The following RALGAPB variants were observed in gnomAD, a reference collection of about 807,000 sequenced individuals.
RALGAPB encodes ral GTPase-activating protein subunit beta.
In RALGAPB, 25 loss-of-function variants were observed where a neutral mutation model predicts 161.1. The ratio of observed to expected loss-of-function variants is 0.16; its 90% CI spans 0.11 to 0.22. RALGAPB has a LOEUF of 0.22. RALGAPB is among the 10% of genes least tolerant of loss of function. The probability of loss-of-function intolerance (pLI) is 1.00; values close to 1 mark genes in which losing one functional copy is unlikely to be tolerated. For synonymous variants in RALGAPB, 629 were observed against 626.1 expected, an observed-to-expected ratio of 1.00 and a Z score of -0.07; for missense variants, 1,391 against 1,815.2, an observed-to-expected ratio of 0.77 and a Z score of 4.25.
rs2085921948 is a variant in RALGAPB at position 38,510,850 on chromosome 20, CA to C, written c.872+1643del. On this transcript the variant is annotated intron_variant, in intron 6 of 29. Coordinates refer to ENST00000262879, the MANE Select transcript of RALGAPB (RefSeq NM_020336.4). ...GGGTGAACCCGGGAGGCGGAGCTTGCAGTGAGCCGAGATTGCGCCACTGCAC... is the reference window on the plus strand; with the variant it reads ...GGGTGAACCCGGGAGGCGGAGCTTGCGTGAGCCGAGATTGCGCCACTGCAC... 2.1e-5 allele frequency among the ~76,000 whole-genome samples: 3 copies of C among 143,580 alleles called. No individual in the cohort carries two copies. In the South Asian group the frequency reaches 6.3e-4, roughly 30 times the overall value. 94.2% of individuals were successfully genotyped at this position (143,580 alleles called of 152,430 possible). A position where few individuals can be genotyped will look rare whatever the true frequency, so the allele number is the denominator to read the frequency against.
chr20:38,477,811 A>G (rs1309543490), intron 1 of RALGAPB, among the ~76,000 whole-genome samples: 3 of 152,148 alleles, frequency 2.0e-5, no homozygotes, highest in Non-Finnish European at 4.4e-5. Flanking sequence ...TGTTTTACAG[A>G]TGAGGAAACT....
intron 5 of RALGAPB, among the ~76,000 whole-genome samples, chr20:38,507,063 T>G (rs1290877245): frequency 2.6e-5 from 4 of 152,234 alleles, no homozygotes; most frequent in Non-Finnish European, 5.9e-5. Context: ...TTATCTTGAT[T>G]ATAATCACAG....
At chr20:38,563,693 G>A (rs1003089293) in intron 24 of RALGAPB, among the ~76,000 whole-genome samples, 2 of 152,164 alleles carry the variant, frequency 1.3e-5, no homozygotes, top group African/African-American at 2.4e-5. Flanking sequence ...GATACTTATG[G>A]TTGCAAGTAT....
chr20:38,475,259 C>T (rs2084770881), intron 1 of RALGAPB, among the ~76,000 whole-genome samples: 1 of 152,176 alleles, frequency 6.6e-6, no homozygotes, highest in Admixed American at 6.5e-5. Context: ...ATGGGATTGC[C>T]ATTGGTAATG....
At chr20:38,483,735 G>A (rs1351582607) in intron 1 of RALGAPB, among the ~76,000 whole-genome samples, 1 of 152,106 alleles carries the variant, frequency 6.6e-6, no homozygotes, top group East Asian at 1.9e-4. Context: ...ACATGTGAGG[G>A]TTCTGCCATG....
intron 18 of RALGAPB, 60 bp from the exon 19 acceptor site, chr20:38,546,183 A>C: frequency 6.2e-7 from 1 of 1,606,854 alleles, no homozygotes; most frequent in Non-Finnish European, 8.5e-7. Context: ...ACATTGATGC[A>C]CAAGGTAAAC....
rs376150009 is a variant in RALGAPB at position 38,480,776 on chromosome 20, C to T, written c.-30-7627C>T. Among the ~76,000 whole-genome samples the T allele has an allele frequency of 1.7e-3, 207 of 124,168 alleles. 1 individual carries two copies. In the Middle Eastern group the frequency reaches 0.02, roughly 12 times the overall value. The allele number at this position is 124,168 out of a possible 152,430, so 81.5% of individuals were successfully genotyped here. ...TTTTTGAGACGGAGTCTCGCTCTGT[C>T]ACCCAGGCTGGAGTGCAGTGGCGCA... On this transcript the variant is annotated intron_variant, in intron 1 of 29. Transcript: ENST00000262879.
At chr20:38,529,530 TAAAATA>T (rs980238853) in intron 13 of RALGAPB, among the ~76,000 whole-genome samples, 12 of 147,310 alleles carry the variant, frequency 8.1e-5, no homozygotes, top group South Asian at 2.2e-4. Flanking sequence ...AAAAAAAAAA[TAAAATA>T]AAAATAAAAA....
rs779460975 is a variant in RALGAPB at position 38,574,816 on chromosome 20, A to G, written c.4334A>G (p.Lys1445Arg). ...ACTGTAATTAACATTTGTAGAAGAA[A>G]GAGACTGGAAAGTGACTCCTACAGT... Reference protein sequence around the residue: ...RQTVINICRRKRLESDSYSPP... With the variant: ...RQTVINICRRRRLESDSYSPP... Residue 1445 changes from lysine (K) to arginine (R), a missense_variant, in exon 30 of 30, where the codon AAG becomes AGG. Transcript: ENST00000262879. The G allele has an allele frequency of 6.2e-7, 1 of 1,614,076 alleles. No individual in the cohort carries two copies. Among genetic ancestry groups the G allele is most frequent in the East Asian group, 2.2e-5 (1 of 44,886 alleles).
At chr20:38,549,901 C>G (rs969741579) in intron 20 of RALGAPB, among the ~76,000 whole-genome samples, 7 of 152,034 alleles carry the variant, frequency 4.6e-5, no homozygotes, top group African/African-American at 1.7e-4. Flanking sequence ...TATAAAATGT[C>G]CAACAATGAT....
intron 27 of RALGAPB, among the ~76,000 whole-genome samples, chr20:38,570,351 C>A (rs2145532544): frequency 6.6e-6 from 1 of 152,290 alleles, no homozygotes; most frequent in East Asian, 1.9e-4. Flanking sequence ...CTCTCTCCAC[C>A]CACATGTCCT....
chr20:38,525,841 T>C lies in RALGAPB; in HGVS notation c.1903-54T>C, dbSNP rs552506538. 13 of 1,566,158 alleles carry C rather than the reference T, an allele frequency of 8.3e-6. No individual in the cohort carries two copies. The South Asian group carries it at 1.3e-4, about 15-fold the overall frequency. Reference sequence around the variant, plus strand: ...GTTCCTCCATCTAGCTGTTCCCACATGGGCATCATAAGCTGCAACAGCTGA... The same window carrying C: ...GTTCCTCCATCTAGCTGTTCCCACACGGGCATCATAAGCTGCAACAGCTGA... On this transcript the variant is annotated intron_variant, in intron 12 of 29. Transcript: ENST00000262879.
intron 3 of RALGAPB, among the ~76,000 whole-genome samples, chr20:38,496,038 ATTC>A (rs1470532101): frequency 1.3e-5 from 2 of 152,000 alleles, no homozygotes; most frequent in African/African-American, 2.4e-5. Context: ...ATAGTTTTTT[ATTC>A]TTCTTCAAGT....
At chr20:38,508,955 A>G (rs1348255277) in intron 5 of RALGAPB, 122 bp from the exon 6 acceptor site, 2 of 1,094,866 alleles carry the variant, frequency 1.8e-6, no homozygotes, top group South Asian at 1.7e-5. Context: ...GGGTTTCCAT[A>G]TGTCTTGTTC....
In RALGAPB at chr20:38,525,395, T is replaced by A. The variant is rs1029647392; in HGVS notation, c.1788-9T>A. ...TCAAAAATACTAATAGCTTTTTATT[T>A]TTTGGCAGAGAACTCTCAAAATTCA... On this transcript the variant is annotated splice_polypyrimidine_tract_variant and intron_variant, in intron 11 of 29. Transcript: ENST00000262879. 6.4e-7 allele frequency: 1 copy of A among 1,561,464 alleles called. No homozygotes were observed. Among genetic ancestry groups the A allele is most frequent in the Non-Finnish European group, 8.7e-7 (1 of 1,145,918 alleles).
At chr20:38,480,640 G>A (rs529341440) in intron 1 of RALGAPB, among the ~76,000 whole-genome samples, 4 of 151,348 alleles carry the variant, frequency 2.6e-5, no homozygotes, top group African/African-American at 4.9e-5. Flanking sequence ...CACCTGCGTC[G>A]GCCTCCCAAA....
intron 19 of RALGAPB, chr20:38,547,488 A>G (rs562006088): frequency 3.3e-5 from 5 of 152,072 alleles, no homozygotes; most frequent in Non-Finnish European, 7.4e-5. Context: ...GTCCCTTTCT[A>G]TTATTATTGT....
chr20:38,521,763 C>T, intron 10 of RALGAPB, 65 bp downstream of exon 10: 2 of 1,509,542 alleles, frequency 1.3e-6, no homozygotes, highest in South Asian at 1.2e-5. Context: ...TGTTGGTTGG[C>T]CGACTGAACC....
At position 38,575,026 on chromosome 20, in the gene RALGAPB, G is replaced by A; in HGVS notation, c.*59G>A. 7.5e-7 allele frequency: 1 copy of A among 1,334,092 alleles called. No homozygotes were observed. The highest frequency in any genetic ancestry group is 1.9e-4 in the Middle Eastern group (1 of 5,346). 82.6% of individuals were successfully genotyped at this position (1,334,092 alleles called of 1,614,324 possible). A position where few individuals can be genotyped will look rare whatever the true frequency, so the allele number is the denominator to read the frequency against. The stretch of plus-strand genomic sequence containing the variant: ...TTGGGAACTATAACACAGCAGAACA[G>A]TTTGATAGGTGATCACTGTAAAAAT... On this transcript the variant is annotated 3_prime_UTR_variant, in exon 30 of 30. Transcript: ENST00000262879.
Sources: gnomAD v4.1 joint callset for allele counts (sites outside exome capture counted in the v4.1 genomes callset) on GRCh38, gnomAD v4.1.1 for gene constraint, MANE v1.5 for transcripts, NCBI Gene and HGNC (gene_info 2026-07-23, HGNC 2026-07-21) for gene names.